TMEM131: variants seen among roughly 807,000 people sequenced by gnomAD.
The protein encoded by TMEM131 is 2610524E03Rik.
Under a neutral mutation model 211.6 loss-of-function variants are expected in TMEM131, and 66 were observed. The ratio of observed to expected loss-of-function variants is 0.31; its 90% CI spans 0.26 to 0.38. TMEM131 has a LOEUF of 0.38. Among genes scored for constraint, TMEM131 ranks in the 10% least tolerant of loss-of-function variants. TMEM131 has a pLI of 1.00. For missense variants in TMEM131, 2,036 were observed against 2,299.3 expected (o/e 0.89, Z 2.34); for synonymous variants, 844 against 841.3 (o/e 1.00, Z -0.06).
At chr2:97,846,413 T>C (rs1683432697) in intron 5 of TMEM131, among the ~76,000 whole-genome samples, 1 of 152,156 alleles carries the variant, frequency 6.6e-6, no homozygotes, top group African/African-American at 2.4e-5. Flanking sequence ...TCAATGTAAT[T>C]TACTTAACAG....
intron 8 of TMEM131, among the ~76,000 whole-genome samples, chr2:97,835,630 T>C (rs929847305): frequency 6.6e-6 from 1 of 152,198 alleles, no homozygotes; most frequent in Non-Finnish European, 1.5e-5. Flanking sequence ...TTTTAGGAGA[T>C]TCTTGTGTTC....
At chr2:97,938,418 A>G (rs903726642) in intron 1 of TMEM131, among the ~76,000 whole-genome samples, 5 of 152,226 alleles carry the variant, frequency 3.3e-5, no homozygotes, top group African/African-American at 7.2e-5. Context: ...AACAAAAATC[A>G]AAAGAGACAA....
intron 3 of TMEM131, among the ~76,000 whole-genome samples, chr2:97,891,045 T>C (rs920602790): frequency 3.3e-5 from 5 of 152,216 alleles, no homozygotes; most frequent in Admixed American, 2.0e-4. Flanking sequence ...CAATCCTATG[T>C]TAACCAAACC....
intron 11 of TMEM131, among the ~76,000 whole-genome samples, chr2:97,828,108 C>T (rs1286254810): frequency 3.9e-5 from 6 of 152,086 alleles, no homozygotes; most frequent in Non-Finnish European, 4.4e-5. Context: ...ATGTAGTGTA[C>T]GTGCTATTGA....
rs78880352 is a variant in TMEM131, at chr2:97,908,875, A to C, written c.250-177T>G. Among the ~76,000 whole-genome samples, 276 of 152,346 alleles carry C rather than the reference A, an allele frequency of 1.8e-3. 8 individuals are homozygous for C. In the East Asian group the frequency reaches 0.051, roughly 28 times the overall value. ...AATGACTAGATCAAATTGTAAACAC[A>C]CATGAAGTAACAGAAAGTAATGCGA... On this transcript the variant is annotated intron_variant, in intron 2 of 40. Transcript: ENST00000186436.
chr2:97,985,871 T>C (rs1680004728), intron 1 of TMEM131, among the ~76,000 whole-genome samples: 3 of 151,406 alleles, frequency 2.0e-5, no homozygotes, highest in East Asian at 3.9e-4. Context: ...CATTTAAAGA[T>C]GGAAGCACGG....
At chr2:97,788,245 G>A (rs545074218) in intron 31 of TMEM131, among the ~76,000 whole-genome samples, 23 of 152,216 alleles carry the variant, frequency 1.5e-4, no homozygotes, top group African/African-American at 5.3e-4. Flanking sequence ...AGTGGCCCTC[G>A]GCTGGGCCTC....
At chr2:97,794,380 T>C (rs1368667882) in intron 29 of TMEM131, among the ~76,000 whole-genome samples, 1 of 152,172 alleles carries the variant, frequency 6.6e-6, no homozygotes, top group Admixed American at 6.5e-5. Flanking sequence ...GGAGGTTTTA[T>C]ATGGAGGCAA....
rs189213286 is a variant in TMEM131, at chr2:97,983,656, G to C, written c.187+11820C>G. Among the ~76,000 whole-genome samples the C allele has an allele frequency of 1.3e-4, 20 of 152,244 alleles. No individual in the cohort carries two copies. The East Asian group carries it at 3.9e-3, about 29-fold the overall frequency. ...TGCTCTTTACCCAATAAATACGAAA[G>C]GACTGTAGAAGCTCAAGGGGGCTGC... On this transcript the variant is annotated intron_variant, in intron 1 of 40. Coordinates refer to ENST00000186436, the MANE Select transcript of TMEM131 (RefSeq NM_015348.2).
chr2:97,939,871 C>T (rs537381626), intron 1 of TMEM131, among the ~76,000 whole-genome samples: 83 of 152,254 alleles, frequency 5.5e-4, no homozygotes, highest in African/African-American at 1.8e-3. Context: ...GTTCAACATA[C>T]GCAAATCAAT....
intron 29 of TMEM131, among the ~76,000 whole-genome samples, chr2:97,793,777 G>A (rs1051518157): frequency 2.4e-4 from 37 of 151,404 alleles, no homozygotes; most frequent in Middle Eastern, 3.2e-3. Flanking sequence ...GGTGGATCAC[G>A]AGGTCAGGAG....
intron 35 of TMEM131, among the ~76,000 whole-genome samples, chr2:97,765,639 T>C (rs1679124770): frequency 6.6e-6 from 1 of 152,152 alleles, no homozygotes; most frequent in South Asian, 2.1e-4. Context: ...GTCAAGGTAG[T>C]GAGAAAAATA....
At chr2:97,761,798 G>C in intron 36 of TMEM131, 1 of 446,310 alleles carries the variant, frequency 2.2e-6, no homozygotes, top group East Asian at 4.0e-5. Context: ...TGCATTTCTC[G>C]GTCCACAGGT....
At chr2:97,793,728 C>T (rs1262391899) in intron 29 of TMEM131, among the ~76,000 whole-genome samples, 175 bp from the exon 30 acceptor site, 1 of 152,104 alleles carries the variant, frequency 6.6e-6, no homozygotes, top group Non-Finnish European at 1.5e-5. Flanking sequence ...GGCACGGTAG[C>T]TCATGCCTAT....
At chr2:97,926,458 T>C (rs954114149) in intron 2 of TMEM131, among the ~76,000 whole-genome samples, 4 of 152,248 alleles carry the variant, frequency 2.6e-5, no homozygotes, top group African/African-American at 9.6e-5. Flanking sequence ...TGAACAATTT[T>C]ACATCTATTC....
intron 2 of TMEM131, among the ~76,000 whole-genome samples, chr2:97,914,199 TA>T (rs1159621026): frequency 6.6e-6 from 1 of 152,196 alleles, no homozygotes; most frequent in South Asian, 2.1e-4. Context: ...TCTCTGTGTG[TA>T]TGTATTTTTA....
At chr2:97,757,633 T>C (rs930895729) in intron 40 of TMEM131, among the ~76,000 whole-genome samples, 2 of 152,180 alleles carry the variant, frequency 1.3e-5, no homozygotes, top group Non-Finnish European at 2.9e-5. Flanking sequence ...ACTCCTGGGC[T>C]CAAGTGATCT....
Position 97,811,121 on chromosome 2 carries a change from T to G in TMEM131, c.1968+7A>C, listed in dbSNP as rs764508350. On this transcript the variant is annotated splice_region_variant and intron_variant, in intron 18 of 40. Transcript: ENST00000186436. ...CCCACTGCCATGAATCCCCATAAAG[T>G]CCTTACCTCATAGTCTGTTGTGATC... is the stretch of plus-strand genomic sequence containing the variant. 5.0e-6 allele frequency: 8 copies of G among 1,605,560 alleles called. No individual in the cohort carries two copies. Among genetic ancestry groups the G allele is most frequent in the Non-Finnish European group, 6.8e-6 (8 of 1,172,272 alleles).
At chr2:97,770,326 G>C (rs1679405913) in intron 33 of TMEM131, among the ~76,000 whole-genome samples, 1 of 152,212 alleles carries the variant, frequency 6.6e-6, no homozygotes, top group African/African-American at 2.4e-5. Flanking sequence ...AAAAACAAGA[G>C]ATCAGTGAGT....
Sources: allele counts gnomAD v4.1 joint callset (sites outside exome capture counted in the v4.1 genomes callset), GRCh38; gene constraint gnomAD v4.1.1; transcripts MANE v1.5; gene names NCBI Gene and HGNC (gene_info 2026-07-23, HGNC 2026-07-21).